SLIT3: variants seen among roughly 807,000 people sequenced by gnomAD.
The protein encoded by SLIT3 is slit homolog 3 protein.
In SLIT3, 68 loss-of-function variants were observed where a neutral mutation model predicts 184.0. The observed-to-expected ratio is 0.37, with a 90% CI of 0.30 to 0.45. The LOEUF is 0.45. SLIT3 is among the 20% of genes least tolerant of loss of function. The pLI, the probability that SLIT3 is intolerant of heterozygous loss-of-function variation, is 1.00. For synonymous variants in SLIT3, 831 were observed against 828.6 expected (o/e 1.00, Z -0.05); for missense variants, 1,707 against 2,026.0 (o/e 0.84, Z 3.02).
chr5:168,920,618 G>A (rs776063043), intron 4 of SLIT3, among the ~76,000 whole-genome samples: 2 of 152,134 alleles, frequency 1.3e-5, no homozygotes, highest in East Asian at 1.9e-4. Flanking sequence ...AAGTGTGTTC[G>A]CATTCAGGCA....
At chr5:168,687,621 T>G (rs1012631901) in intron 29 of SLIT3, among the ~76,000 whole-genome samples, 7 of 152,208 alleles carry the variant, frequency 4.6e-5, no homozygotes, top group African/African-American at 1.4e-4. Context: ...CTGTTCTAAG[T>G]GGGTCAGTCA....
intron 4 of SLIT3, among the ~76,000 whole-genome samples, chr5:168,959,738 C>G (rs904848643): frequency 6.6e-6 from 1 of 152,134 alleles, no homozygotes; most frequent in Non-Finnish European, 1.5e-5. Context: ...TTTGTCTTCC[C>G]TCCCAAGCTG....
chr5:169,240,802 C>A (rs1765379209), intron 3 of SLIT3, among the ~76,000 whole-genome samples: 1 of 150,218 alleles, frequency 6.7e-6, no homozygotes, highest in African/African-American at 2.4e-5. Context: ...TTTTCCTTCC[C>A]TTTTATCCTT....
intron 4 of SLIT3, among the ~76,000 whole-genome samples, chr5:168,925,957 C>T (rs909098251): frequency 3.3e-5 from 5 of 152,330 alleles, no homozygotes; most frequent in Admixed American, 3.3e-4. Flanking sequence ...CTGGAATCTC[C>T]ACTGTTTGTT....
intron 26 of SLIT3, among the ~76,000 whole-genome samples, chr5:168,702,294 T>C (rs1043350950): frequency 6.6e-6 from 1 of 152,214 alleles, no homozygotes; most frequent in Non-Finnish European, 1.5e-5. Context: ...CCCTATGAGA[T>C]TGGTGTGATT....
At chr5:168,723,896 G>A (rs1460099) in intron 21 of SLIT3, among the ~76,000 whole-genome samples, 123 of 152,246 alleles carry the variant, frequency 8.1e-4, no homozygotes, top group African/African-American at 2.9e-3. Context: ...ATCAGCTGAT[G>A]GTGAGGACCA....
At chr5:168,910,559 C>T (rs1157425746) in intron 4 of SLIT3, among the ~76,000 whole-genome samples, 1 of 151,806 alleles carries the variant, frequency 6.6e-6, no homozygotes, top group Admixed American at 6.6e-5. Context: ...CTGGCGAACA[C>T]GGTGAAACCC....
In SLIT3 at chr5:168,873,112, A is replaced by G. The variant is rs1282594981; in HGVS notation, c.485+10153T>C. 3.3e-5 allele frequency among the ~76,000 whole-genome samples: 5 copies of G among 152,034 alleles called. No homozygotes were observed. In the East Asian group the frequency reaches 9.6e-4, roughly 29 times the overall value. On this transcript the variant is annotated intron_variant, in intron 5 of 35. Coordinates refer to ENST00000519560, the MANE Select transcript of SLIT3 (RefSeq NM_003062.4). ...GCTGTTTCCTTCCAGGCATCCCTCCATGCTCACCAAATCTCAGGGTTTTTC... is the reference window on the plus strand; with the variant it reads ...GCTGTTTCCTTCCAGGCATCCCTCCGTGCTCACCAAATCTCAGGGTTTTTC...
chr5:169,053,325 C>T (rs894638860), intron 4 of SLIT3, among the ~76,000 whole-genome samples: 2 of 152,180 alleles, frequency 1.3e-5, no homozygotes, highest in Admixed American at 6.5e-5. Flanking sequence ...GAATTGAGTT[C>T]AGTAACTCAA....
chr5:168,763,144 G>A (rs1298219866), intron 14 of SLIT3, among the ~76,000 whole-genome samples: 3 of 152,062 alleles, frequency 2.0e-5, no homozygotes, highest in Non-Finnish European at 4.4e-5. Flanking sequence ...ATGCTTTGAC[G>A]GGGGCTATGC....
intron 4 of SLIT3, among the ~76,000 whole-genome samples, chr5:168,932,604 G>A (rs1034252080): frequency 1.3e-5 from 2 of 152,284 alleles, no homozygotes; most frequent in South Asian, 2.1e-4. Context: ...GGGACACCCC[G>A]TGGGGCAGCC....
At position 168,824,865 on chromosome 5, in the gene SLIT3, G is replaced by A. The variant is rs577902340; in HGVS notation, c.558-1534C>T. Among the ~76,000 whole-genome samples, 14 of 152,298 alleles carry A rather than the reference G, an allele frequency of 9.2e-5. No homozygotes were observed. The South Asian group carries it at 2.7e-3, about 29-fold the overall frequency. On this transcript the variant is annotated intron_variant, in intron 6 of 35. Coordinates refer to ENST00000519560, the MANE Select transcript of SLIT3 (RefSeq NM_003062.4). ...TTCTTTGGAAGCCTTCATGGGTTAA[G>A]CCAGATGTCTTTTGCCCTTGGCTTT...
intron 35 of SLIT3, among the ~76,000 whole-genome samples, chr5:168,669,220 ATG>A (rs1473473005): frequency 1.3e-5 from 2 of 152,326 alleles, no homozygotes; most frequent in African/African-American, 4.8e-5. Flanking sequence ...GGTGGAAATG[ATG>A]GTGTGAGTGA....
chr5:168,696,470 G>A (rs747764895), intron 27 of SLIT3, 39 bp from the exon 28 acceptor site: 8 of 1,611,792 alleles, frequency 5.0e-6, no homozygotes, highest in Admixed American at 1.7e-5. Flanking sequence ...GGAGTCAGGG[G>A]TCAGGGAGAG....
chr5:168,924,792 C>T (rs922088156), intron 4 of SLIT3, among the ~76,000 whole-genome samples: 2 of 152,112 alleles, frequency 1.3e-5, no homozygotes, highest in Admixed American at 6.5e-5. Context: ...GGATTACAGG[C>T]GTGAGCCACC....
At chr5:169,287,879 A>G (rs1767211903) in intron 1 of SLIT3, among the ~76,000 whole-genome samples, 1 of 152,052 alleles carries the variant, frequency 6.6e-6, no homozygotes, top group Non-Finnish European at 1.5e-5. Flanking sequence ...GCACCAGGTG[A>G]GATCTCCAAA....
At chr5:168,855,943 C>T (rs923070794) in intron 5 of SLIT3, among the ~76,000 whole-genome samples, 8 of 152,020 alleles carry the variant, frequency 5.3e-5, no homozygotes, top group Middle Eastern at 3.2e-3. Flanking sequence ...CCCATCTCTA[C>T]TAAAAATATA....
At chr5:168,868,458 A>G (rs566591476) in intron 5 of SLIT3, among the ~76,000 whole-genome samples, 1 of 152,298 alleles carries the variant, frequency 6.6e-6, no homozygotes, top group South Asian at 2.1e-4. Flanking sequence ...CACGTTAAAA[A>G]TTATGGCTTG....
chr5:168,837,451 C>T (rs1405960858), intron 6 of SLIT3, among the ~76,000 whole-genome samples: 2 of 152,144 alleles, frequency 1.3e-5, no homozygotes, highest in Non-Finnish European at 2.9e-5. Context: ...AAAGAAAGAT[C>T]ACCATTTAGC....
Sources: gnomAD v4.1 joint callset for allele counts (sites outside exome capture counted in the v4.1 genomes callset) on GRCh38, gnomAD v4.1.1 for gene constraint, MANE v1.5 for transcripts, NCBI Gene and HGNC (gene_info 2026-07-23, HGNC 2026-07-21) for gene names.